Variants in PLCL1 observed in about 807,000 individuals in gnomAD.
PLCL1 encodes the protein phospholipase C like 1 (inactive).
In PLCL1, 41 loss-of-function variants were observed where a neutral mutation model predicts 84.4. The observed-to-expected ratio is 0.49, with a 90% CI of 0.38 to 0.63. PLCL1 has a LOEUF of 0.63. Ranked by LOEUF, PLCL1 falls within the 30% of genes least tolerant of loss-of-function variation. The probability of loss-of-function intolerance (pLI) is 0.00; values close to 1 mark genes in which losing one functional copy is unlikely to be tolerated. For synonymous variants in PLCL1, 490 were observed against 488.3 expected (o/e 1.00, Z -0.05); for missense variants, 1,206 against 1,367.8 (o/e 0.88, Z 1.87).
intron 1 of PLCL1, among the ~76,000 whole-genome samples, chr2:198,026,993 G>C (rs1691283077): frequency 6.6e-6 from 1 of 152,134 alleles, no homozygotes; most frequent in South Asian, 2.1e-4. Flanking sequence ...ACTACTATAT[G>C]ATCCAGCAAT....
Position 198,113,481 on chromosome 2 carries a change from G to A in PLCL1, c.3105+9545G>A, listed in dbSNP as rs1693670106. On this transcript the variant is annotated intron_variant, in intron 5 of 5. Coordinates refer to ENST00000428675, the MANE Select transcript of PLCL1 (RefSeq NM_006226.4). ...GTCATTTAACAAGCACATGATGTGTGTTAAATTTGTCCTTATGATGGGTGC... is the reference window on the plus strand; with the variant it reads ...GTCATTTAACAAGCACATGATGTGTATTAAATTTGTCCTTATGATGGGTGC... Among the ~76,000 whole-genome samples, 3 of 151,864 alleles carry A rather than the reference G, an allele frequency of 2.0e-5. No homozygotes were observed. In the South Asian group the frequency reaches 6.2e-4, roughly 31 times the overall value.
At chr2:197,819,140 C>A (rs533414677) in intron 1 of PLCL1, among the ~76,000 whole-genome samples, 2 of 152,182 alleles carry the variant, frequency 1.3e-5, no homozygotes, top group East Asian at 3.9e-4. Flanking sequence ...GTGGGGCCTG[C>A]AACATCCCTA....
chr2:197,877,221 T>C (rs541087644), intron 1 of PLCL1, among the ~76,000 whole-genome samples: 2 of 152,258 alleles, frequency 1.3e-5, no homozygotes, highest in South Asian at 2.1e-4. Context: ...TATTTTATAA[T>C]TGCTGATGAG....
At chr2:197,857,581 A>G (rs1687354263) in intron 1 of PLCL1, among the ~76,000 whole-genome samples, 1 of 152,222 alleles carries the variant, frequency 6.6e-6, no homozygotes, top group African/African-American at 2.4e-5. Context: ...ATGTTAAAAG[A>G]GAAGAAATCT....
At chr2:198,094,063 T>C (rs1285446829) in intron 3 of PLCL1, among the ~76,000 whole-genome samples, 11 of 152,114 alleles carry the variant, frequency 7.2e-5, no homozygotes, top group Admixed American at 7.2e-4. Context: ...TTTTTTTCTC[T>C]CTCTCTTTTT....
At position 197,956,556 on chromosome 2, in the gene PLCL1, A is replaced by G. The variant is rs566647840; in HGVS notation, c.241-127202A>G. ...CTACCAACAGCGTAAAAGCATTTCT[A>G]TTTCTCCACAGCCTTGCCAGCATCT... is the stretch of plus-strand genomic sequence containing the variant. On this transcript the variant is annotated intron_variant, in intron 1 of 5. Coordinates refer to ENST00000428675, the MANE Select transcript of PLCL1 (RefSeq NM_006226.4). Among the ~76,000 whole-genome samples the G allele has an allele frequency of 4.7e-4, 71 of 152,218 alleles. 1 individual carries two copies. Among genetic ancestry groups the G allele is most frequent in the Non-Finnish European group, 7.2e-4 (49 of 67,986 alleles).
At position 197,901,412 on chromosome 2, in the gene PLCL1, A is replaced by G. The variant is rs141088321; in HGVS notation, c.240+96073A>G. On this transcript the variant is annotated intron_variant, in intron 1 of 5. Coordinates refer to ENST00000428675, the MANE Select transcript of PLCL1 (RefSeq NM_006226.4). The stretch of plus-strand genomic sequence containing the variant: ...AGATGCACAGGACAAAGGGATCACT[A>G]CCAGTAAAGATTCAGAAAAGGCAAG... 3.5e-3 allele frequency among the ~76,000 whole-genome samples: 529 copies of G among 152,362 alleles called. 4 individuals are homozygous for G. The highest frequency in any genetic ancestry group is 0.012 in the African/African-American group (491 of 41,584).
intron 1 of PLCL1, among the ~76,000 whole-genome samples, chr2:197,868,691 G>A (rs1687592094): frequency 6.7e-6 from 1 of 149,002 alleles, no homozygotes; most frequent in Admixed American, 6.7e-5. Context: ...TTTTTTAGTA[G>A]AGATAAGGTC....
chr2:198,114,535 G>C (rs1693693020), intron 5 of PLCL1, among the ~76,000 whole-genome samples: 1 of 151,822 alleles, frequency 6.6e-6, no homozygotes, highest in South Asian at 2.1e-4. Context: ...CTTACACACA[G>C]AGTTTTAGCC....
At chr2:197,870,302 A>G (rs2105704049) in intron 1 of PLCL1, among the ~76,000 whole-genome samples, 1 of 152,222 alleles carries the variant, frequency 6.6e-6, no homozygotes, top group South Asian at 2.1e-4. Flanking sequence ...AGTACAAGGG[A>G]CACTCAGGTA....
chr2:198,065,487 C>T (rs1279027086), intron 1 of PLCL1, among the ~76,000 whole-genome samples: 1 of 151,996 alleles, frequency 6.6e-6, no homozygotes, highest in Non-Finnish European at 1.5e-5. Flanking sequence ...TTAAACTTTC[C>T]CAAATCTTTG....
intron 1 of PLCL1, among the ~76,000 whole-genome samples, chr2:197,836,053 A>C (rs1026090874): frequency 6.6e-6 from 1 of 152,198 alleles, no homozygotes; most frequent in Non-Finnish European, 1.5e-5. Context: ...ATGTTTTGCT[A>C]TATCTATAGA....
At chr2:197,889,181 C>T (rs1306045586) in intron 1 of PLCL1, among the ~76,000 whole-genome samples, 3 of 152,200 alleles carry the variant, frequency 2.0e-5, no homozygotes, top group Admixed American at 2.0e-4. Flanking sequence ...AGCATAGTGA[C>T]TAGTGAGTCA....
chr2:197,883,025 A>G (rs1687856861), intron 1 of PLCL1, among the ~76,000 whole-genome samples: 1 of 152,164 alleles, frequency 6.6e-6, no homozygotes, highest in Non-Finnish European at 1.5e-5. Context: ...AAGTCAGGAT[A>G]ATGGTTAACT....
intron 1 of PLCL1, among the ~76,000 whole-genome samples, chr2:198,017,310 C>T (rs1691022292): frequency 6.6e-6 from 1 of 152,198 alleles, no homozygotes; most frequent in South Asian, 2.1e-4. Flanking sequence ...TTACACGATT[C>T]AGCCTTAGAA....
chr2:198,108,191 A>G (rs1693535007), intron 5 of PLCL1, among the ~76,000 whole-genome samples: 1 of 151,912 alleles, frequency 6.6e-6, no homozygotes, highest in South Asian at 2.1e-4. Flanking sequence ...TAAGTTTAGT[A>G]GATTCAATTT....
At chr2:198,050,129 C>T (rs1198306113) in intron 1 of PLCL1, among the ~76,000 whole-genome samples, 1 of 152,156 alleles carries the variant, frequency 6.6e-6, no homozygotes, top group Non-Finnish European at 1.5e-5. Context: ...AGTGTGCAGT[C>T]TGACACAGAA....
intron 1 of PLCL1, among the ~76,000 whole-genome samples, chr2:197,977,525 A>T (rs1690012046): frequency 6.6e-6 from 1 of 152,164 alleles, no homozygotes; most frequent in Non-Finnish European, 1.5e-5. Flanking sequence ...TTCCAATCTT[A>T]TCAAGCCCCA....
At chr2:198,117,304 T>G (rs1559111147) in intron 5 of PLCL1, among the ~76,000 whole-genome samples, 2 of 151,176 alleles carry the variant, frequency 1.3e-5, no homozygotes, top group African/African-American at 4.9e-5. Flanking sequence ...GTCAGAAATA[T>G]GGGTCTCTAT....
Sources: allele counts gnomAD v4.1 joint callset (sites outside exome capture counted in the v4.1 genomes callset), GRCh38; gene constraint gnomAD v4.1.1; transcripts MANE v1.5; gene names NCBI Gene and HGNC (gene_info 2026-07-23, HGNC 2026-07-21).